XRN1: variants seen among roughly 807,000 people sequenced by gnomAD.
The protein encoded by XRN1 is strand-exchange protein 1 homolog.
A neutral mutation model predicts 222.3 loss-of-function variants in XRN1; 67 were observed. The ratio of observed to expected loss-of-function variants is 0.30; its 90% CI spans 0.25 to 0.37. XRN1 has a LOEUF of 0.37. XRN1 is among the 10% of genes least tolerant of loss of function. XRN1 has a pLI of 1.00. For missense variants in XRN1, 1,707 were observed against 2,000.2 expected (o/e 0.85, Z 2.80); for synonymous variants, 643 against 652.4 (o/e 0.99, Z 0.22).
At chr3:142,316,115 A>G (rs2065204927) in intron 39 of XRN1, among the ~76,000 whole-genome samples, 1 of 152,112 alleles carries the variant, frequency 6.6e-6, no homozygotes, top group South Asian at 2.1e-4. Flanking sequence ...TGCAGAGCCA[A>G]GCTGGGTACT....
intron 33 of XRN1, among the ~76,000 whole-genome samples, chr3:142,344,199 T>C (rs1303645156): frequency 6.6e-6 from 1 of 152,110 alleles, no homozygotes; most frequent in African/African-American, 2.4e-5. Flanking sequence ...ATAAAAATAA[T>C]TGTATATTTT....
intron 37 of XRN1, among the ~76,000 whole-genome samples, chr3:142,329,156 AAAAG>A (rs1033957437): frequency 1.3e-5 from 2 of 152,052 alleles, no homozygotes; most frequent in African/African-American, 4.8e-5. Flanking sequence ...TCTGAGACCA[AAAAG>A]TTTGAAAATT....
rs543994753 is a variant in XRN1, at chr3:142,371,094, C to A, written c.3068+145G>T. ...AAGGCTAAAGTGAGCCACATTTGAG[C>A]CACTGCATTCGGGCAAGAGAGTAAG... On this transcript the variant is annotated intron_variant, in intron 26 of 40. Transcript: ENST00000392981. The A allele has an allele frequency of 7.3e-6, 5 of 684,648 alleles. No homozygotes were observed. In the African/African-American group the frequency reaches 9.3e-5, roughly 13 times the overall value. The allele number at this position is 684,648 out of a possible 1,614,324, so 42.4% of individuals were successfully genotyped here.
At chr3:142,339,611 A>C (rs1378402469) in intron 33 of XRN1, among the ~76,000 whole-genome samples, 1 of 152,232 alleles carries the variant, frequency 6.6e-6, no homozygotes, top group Non-Finnish European at 1.5e-5. Context: ...CTGGAGAAAC[A>C]GAGATATGTG....
At chr3:142,445,136 C>T (rs1301265452) in intron 1 of XRN1, among the ~76,000 whole-genome samples, 1 of 151,822 alleles carries the variant, frequency 6.6e-6, no homozygotes, top group Admixed American at 6.6e-5. Context: ...TTTCCACTGC[C>T]GATTGTTTTC....
At chr3:142,403,271 A>T (rs2068214515) in intron 18 of XRN1, among the ~76,000 whole-genome samples, 1 of 152,206 alleles carries the variant, frequency 6.6e-6, no homozygotes, top group Non-Finnish European at 1.5e-5. Context: ...GTTCAGATAC[A>T]CAAAAAGGTT....
chr3:142,306,639 T>C lies in XRN1; in HGVS notation c.*4872A>G, dbSNP rs2064970851. 1 of 152,358 alleles carries C rather than the reference T, an allele frequency of 6.6e-6. No individual in the cohort carries two copies. Among genetic ancestry groups the C allele is most frequent in the African/African-American group, 2.4e-5 (1 of 41,462 alleles). The allele number at this position is 152,358 out of a possible 1,614,324, so 9.4% of individuals were successfully genotyped here. A position where few individuals can be genotyped will look rare whatever the true frequency, so the allele number is the denominator to read the frequency against. On this transcript the variant is annotated 3_prime_UTR_variant, in exon 41 of 41. Coordinates refer to ENST00000392981, the MANE Select transcript of XRN1 (RefSeq NM_001282857.2). ...ATCATTCTCAAGTCTTTAATTAAAA[T>C]CCATAGAGCATTTAACATGAACAGA... is the stretch of plus-strand genomic sequence containing the variant.
In XRN1 at chr3:142,318,951, T is replaced by C. The variant is rs184549246; in HGVS notation, c.4405-48A>G. 8 of 1,495,372 alleles carry C rather than the reference T, an allele frequency of 5.3e-6. No homozygotes were observed. In the African/African-American group the frequency reaches 8.3e-5, roughly 16 times the overall value. 92.6% of individuals were successfully genotyped at this position (1,495,372 alleles called of 1,614,324 possible). A position where few individuals can be genotyped will look rare whatever the true frequency, so the allele number is the denominator to read the frequency against. The stretch of plus-strand genomic sequence containing the variant: ...TCTATGAAATTCTCTGTCTAGGAAG[T>C]TGACCTCTCCCAAAGTTTAGTCTAA... On this transcript the variant is annotated intron_variant, in intron 37 of 40. Coordinates refer to ENST00000392981, the MANE Select transcript of XRN1 (RefSeq NM_001282857.2).
chr3:142,350,941 T>C (rs1472057837), intron 32 of XRN1, among the ~76,000 whole-genome samples: 1 of 152,078 alleles, frequency 6.6e-6, no homozygotes, highest in South Asian at 2.1e-4. Flanking sequence ...AGTTGGACAT[T>C]TGAGTGGAGA....
At chr3:142,432,960 G>A (rs2069694533) in intron 1 of XRN1, 67 bp from the exon 2 acceptor site, 3 of 1,209,432 alleles carry the variant, frequency 2.5e-6, no homozygotes, top group Non-Finnish European at 3.5e-6. Flanking sequence ...TAAGCAGCAG[G>A]GAAAAGTGAT....
chr3:142,364,190 T>G (rs929295245), intron 29 of XRN1, among the ~76,000 whole-genome samples: 3 of 152,236 alleles, frequency 2.0e-5, no homozygotes, highest in African/African-American at 7.2e-5. Context: ...TGGCACTAAT[T>G]AAGCAGTTCT....
chr3:142,356,852 C>G, intron 31 of XRN1, 60 bp downstream of exon 31: 1 of 1,531,148 alleles, frequency 6.5e-7, no homozygotes, highest in East Asian at 2.3e-5. Context: ...TTTACAAAGT[C>G]TGCTGTGATT....
At chr3:142,313,237 T>C (rs546865136) in intron 39 of XRN1, 1 of 1,524,234 alleles carries the variant, frequency 6.6e-7, no homozygotes, top group East Asian at 2.3e-5. Context: ...ACAGGTAGAA[T>C]CTTTCTTTTC....
At chr3:142,407,035 G>A (rs974441399) in intron 15 of XRN1, among the ~76,000 whole-genome samples, 4 of 152,172 alleles carry the variant, frequency 2.6e-5, no homozygotes, top group African/African-American at 9.6e-5. Context: ...GAGAACGCAA[G>A]CTTTTGCTTA....
chr3:142,413,823 G>A (rs2068683645), intron 14 of XRN1, among the ~76,000 whole-genome samples: 1 of 152,184 alleles, frequency 6.6e-6, no homozygotes, highest in African/African-American at 2.4e-5. Flanking sequence ...TTTAGATAAA[G>A]TAGATAGCTT....
Position 142,309,226 on chromosome 3 carries a change from C to G in XRN1, c.*2285G>C, listed in dbSNP as rs2065028616. The G allele has an allele frequency of 6.6e-6, 1 of 152,006 alleles. No individual in the cohort carries two copies. The highest frequency in any genetic ancestry group is 1.5e-5 in the Non-Finnish European group (1 of 67,984). The allele number at this position is 152,006 out of a possible 1,614,324, so 9.4% of individuals were successfully genotyped here. The stretch of plus-strand genomic sequence containing the variant: ...TAAAAAAAAAGTAAGGATAATAAAA[C>G]TTTTTTCTTTTTTTTGAGACAGAGT... On this transcript the variant is annotated 3_prime_UTR_variant, in exon 41 of 41. Transcript: ENST00000392981.
intron 20 of XRN1, among the ~76,000 whole-genome samples, chr3:142,396,538 C>G (rs1379202403): frequency 6.6e-6 from 1 of 152,130 alleles, no homozygotes; most frequent in Non-Finnish European, 1.5e-5. Context: ...TATGCTCTAC[C>G]TCTCGAGAGC....
At chr3:142,323,097 G>T (rs980704292) in intron 37 of XRN1, among the ~76,000 whole-genome samples, 4 of 152,104 alleles carry the variant, frequency 2.6e-5, no homozygotes, top group African/African-American at 9.7e-5. Context: ...TGGGCTTACA[G>T]GTGTGAGCCA....
intron 10 of XRN1, 87 bp from the exon 11 acceptor site, chr3:142,418,968 T>C: frequency 8.0e-7 from 1 of 1,249,054 alleles, no homozygotes; most frequent in Non-Finnish European, 1.2e-6. Context: ...CATTTGCTTT[T>C]CTATAGTTCT....
Sources: gnomAD v4.1 joint callset for allele counts (sites outside exome capture counted in the v4.1 genomes callset) on GRCh38, gnomAD v4.1.1 for gene constraint, MANE v1.5 for transcripts, NCBI Gene and HGNC (gene_info 2026-07-23, HGNC 2026-07-21) for gene names.